Variants in CROT observed in about 807,000 individuals in gnomAD.
The protein encoded by CROT is peroxisomal carnitine O-octanoyltransferase.
CROT carries 84 observed loss-of-function variants against 89.2 expected under a neutral mutation model. That is an observed-to-expected ratio of 0.94 (90% CI 0.79 to 1.13). CROT has a LOEUF of 1.13. Ranked by LOEUF, CROT falls within the 50% of genes most tolerant of loss-of-function variation. CROT has a pLI of 0.00. For synonymous variants in CROT, 212 were observed against 239.5 expected (o/e 0.89, Z 1.06); for missense variants, 711 against 727.8 (o/e 0.98, Z 0.27).
At chr7:87,382,753 T>C (rs938938513) in intron 13 of CROT, among the ~76,000 whole-genome samples, 3 of 152,216 alleles carry the variant, frequency 2.0e-5, no homozygotes, top group African/African-American at 7.2e-5. Flanking sequence ...CAGTATCCAC[T>C]TGATAACTTT....
At chr7:87,376,043 A>C in intron 9 of CROT, 90 bp downstream of exon 9, 1 of 1,275,798 alleles carries the variant, frequency 7.8e-7, no homozygotes, top group Middle Eastern at 2.4e-4. Flanking sequence ...TTCTTTTTCT[A>C]CCTTTAGGCT....
chr7:87,388,691 A>T (rs552480025), intron 13 of CROT, among the ~76,000 whole-genome samples: 535 of 152,340 alleles, frequency 3.5e-3, no homozygotes, highest in Non-Finnish European at 5.7e-3. Flanking sequence ...AAACCTAGGC[A>T]ATATCATTCA....
At chr7:87,393,570 G>A (rs777341375) in intron 17 of CROT, among the ~76,000 whole-genome samples, 74 of 152,186 alleles carry the variant, frequency 4.9e-4, no homozygotes, top group Non-Finnish European at 7.9e-4. Context: ...TCAAAACCTG[G>A]TATAAAAAAG....
chr7:87,380,119 TA>T (rs2115997733), intron 10 of CROT, among the ~76,000 whole-genome samples: 2 of 152,108 alleles, frequency 1.3e-5, no homozygotes, highest in South Asian at 4.2e-4. Flanking sequence ...CCAAAAATAA[TA>T]ATAAGAAGAA....
intron 3 of CROT, among the ~76,000 whole-genome samples, chr7:87,358,481 CAAAA>C (rs11405316): frequency 2.1e-5 from 2 of 95,624 alleles, no homozygotes; most frequent in African/African-American, 8.5e-5. Flanking sequence ...GACTCCATCT[CAAAA>C]AAAAAAAAAA....
chr7:87,348,531 T>C lies in CROT; in HGVS notation c.-21-517T>C, dbSNP rs114725779. Among the ~76,000 whole-genome samples, 723 of 152,380 alleles carry C rather than the reference T, an allele frequency of 4.7e-3. 7 individuals are homozygous for C. Among genetic ancestry groups the C allele is most frequent in the African/African-American group, 0.016 (679 of 41,598 alleles). On this transcript the variant is annotated intron_variant, in intron 2 of 17. Coordinates refer to ENST00000331536, the MANE Select transcript of CROT (RefSeq NM_021151.4). The stretch of plus-strand genomic sequence containing the variant: ...GCAATATCAACACATAATCCTTTTC[T>C]ATACATCAAATACTATCTACCCACT...
chr7:87,352,265 T>C (rs754554647), intron 3 of CROT, among the ~76,000 whole-genome samples: 2 of 152,226 alleles, frequency 1.3e-5, no homozygotes, highest in Non-Finnish European at 2.9e-5. Flanking sequence ...AGGTATGCCA[T>C]CAATGGCCAA....
At position 87,382,428 on chromosome 7, in the gene CROT, A is replaced by G. The variant is rs753442527; in HGVS notation, c.1186A>G (p.Ile396Val). The G allele has an allele frequency of 6.2e-6, 10 of 1,613,430 alleles. No homozygotes were observed. The highest frequency in any genetic ancestry group is 8.5e-6 in the Non-Finnish European group (10 of 1,179,784). Residue 396 changes from isoleucine (I) to valine (V), a missense_variant, in exon 13 of 18, where the codon ATT (isoleucine) becomes GTT (valine). Physicochemically the swap from Ile to Val is conservative, Grantham distance 29. Transcript: ENST00000331536. ...QYLREASDLQ[I>V]AAYAFTSFGK... ...TTCTTGTTAGGCATCTGATCTACAG[A>G]TTGCGGCTTATGCCTTTACATCTTT...
At chr7:87,363,312 C>G (rs930427727) in intron 6 of CROT, among the ~76,000 whole-genome samples, 1 of 152,088 alleles carries the variant, frequency 6.6e-6, no homozygotes, top group African/African-American at 2.4e-5. Flanking sequence ...ATGAAAAAAT[C>G]AGAATTCATG....
chr7:87,375,970 T>C lies in CROT; in HGVS notation c.876+17T>C. ...TATTCTGAGGTACTTAACTACCTTC[T>C]CTTTTTTTTTTTATTGCAGATTTTT... On this transcript the variant is annotated intron_variant, in intron 9 of 17. Coordinates refer to ENST00000331536, the MANE Select transcript of CROT (RefSeq NM_021151.4). 5 of 1,454,258 alleles carry C rather than the reference T, an allele frequency of 3.4e-6. No individual in the cohort carries two copies. Among genetic ancestry groups the C allele is most frequent in the Non-Finnish European group, 4.5e-6 (5 of 1,099,854 alleles). The allele number at this position is 1,454,258 out of a possible 1,614,324, so 90.1% of individuals were successfully genotyped here. A position where few individuals can be genotyped will look rare whatever the true frequency, so the allele number is the denominator to read the frequency against.
intron 10 of CROT, among the ~76,000 whole-genome samples, chr7:87,380,567 T>C (rs1806961480): frequency 6.6e-6 from 1 of 152,214 alleles, no homozygotes; most frequent in Non-Finnish European, 1.5e-5. Context: ...TCTTAAACAC[T>C]ATGTAAATAC....
At chr7:87,359,981 A>G in intron 4 of CROT, 2 of 982,716 alleles carry the variant, frequency 2.0e-6, no homozygotes, top group Non-Finnish European at 2.4e-6. Context: ...AGTTTTAGAA[A>G]TAAAAAGCAA....
At chr7:87,354,319 GC>G (rs1196158465) in intron 3 of CROT, 5 of 509,916 alleles carry the variant, frequency 9.8e-6, no homozygotes, top group African/African-American at 3.9e-5. Flanking sequence ...GAAAAATTCT[GC>G]AGTGTGACTA....
intron 13 of CROT, among the ~76,000 whole-genome samples, chr7:87,383,943 G>A (rs1265742759): frequency 6.6e-6 from 1 of 152,094 alleles, no homozygotes; most frequent in South Asian, 2.1e-4. Flanking sequence ...CTAGCAGTGG[G>A]ATCATCAGAT....
intron 3 of CROT, among the ~76,000 whole-genome samples, chr7:87,354,949 C>T (rs1045333444): frequency 1.3e-5 from 2 of 152,074 alleles, no homozygotes; most frequent in Admixed American, 6.6e-5. Context: ...TTACACAAAC[C>T]GTCTATGACA....
intron 13 of CROT, among the ~76,000 whole-genome samples, chr7:87,388,888 G>A (rs1807267739): frequency 6.6e-6 from 1 of 152,022 alleles, no homozygotes; most frequent in South Asian, 2.1e-4. Flanking sequence ...CTGACAAAGG[G>A]CTAATATCCA....
chr7:87,391,210 G>A (rs1267420090), intron 13 of CROT, among the ~76,000 whole-genome samples: 1 of 152,204 alleles, frequency 6.6e-6, no homozygotes, highest in Non-Finnish European at 1.5e-5. Flanking sequence ...AGCTCTCTTT[G>A]TAACCTAATT....
At chr7:87,355,161 A>C (rs1471808351) in intron 3 of CROT, among the ~76,000 whole-genome samples, 1 of 151,834 alleles carries the variant, frequency 6.6e-6, no homozygotes, top group Non-Finnish European at 1.5e-5. Context: ...GTGCAGTGGC[A>C]AATTCACGGC....
chr7:87,363,816 A>G (rs1279361266), intron 6 of CROT, among the ~76,000 whole-genome samples: 2 of 152,210 alleles, frequency 1.3e-5, no homozygotes, highest in African/African-American at 4.8e-5. Flanking sequence ...TTGTTCTTGT[A>G]TTCCAAGTAA....
Sources: gnomAD v4.1 joint callset for allele counts (sites outside exome capture counted in the v4.1 genomes callset) on GRCh38, gnomAD v4.1.1 for gene constraint, MANE v1.5 for transcripts, NCBI Gene and HGNC (gene_info 2026-07-23, HGNC 2026-07-21) for gene names.